Variants in DLG1 observed in about 807,000 individuals in gnomAD.
DLG1 encodes discs large MAGUK scaffold protein 1.
Under a neutral mutation model 123.4 loss-of-function variants are expected in DLG1, and 42 were observed. The observed-to-expected ratio is 0.34, with a 90% CI of 0.27 to 0.44. The LOEUF (loss-of-function observed/expected upper bound fraction) is 0.44. Among genes scored for constraint, DLG1 ranks in the 20% least tolerant of loss-of-function variants. The pLI is 1.00. For synonymous variants in DLG1, 317 were observed against 356.2 expected, an observed-to-expected ratio of 0.89 and a Z score of 1.24; for missense variants, 942 against 1,082.6, an observed-to-expected ratio of 0.87 and a Z score of 1.82.
chr3:197,231,404 G>C (rs980961206), intron 4 of DLG1, among the ~76,000 whole-genome samples: 11 of 152,138 alleles, frequency 7.2e-5, no homozygotes, highest in African/African-American at 2.7e-4. Flanking sequence ...ACATTTTGTT[G>C]TAAGAATACT....
At chr3:197,223,786 T>C (rs1332160839) in intron 4 of DLG1, among the ~76,000 whole-genome samples, 1 of 152,256 alleles carries the variant, frequency 6.6e-6, no homozygotes, top group Non-Finnish European at 1.5e-5. Flanking sequence ...TAATTCCCAA[T>C]GTGTATTCTT....
At chr3:197,250,260 T>C (rs1320848085) in intron 4 of DLG1, among the ~76,000 whole-genome samples, 1 of 151,918 alleles carries the variant, frequency 6.6e-6, no homozygotes, top group Admixed American at 6.6e-5. Flanking sequence ...ATACCAACAG[T>C]GAACAATCTG....
chr3:197,201,277 G>A (rs1725570511), intron 4 of DLG1, among the ~76,000 whole-genome samples: 1 of 152,104 alleles, frequency 6.6e-6, no homozygotes, highest in Non-Finnish European at 1.5e-5. Context: ...CCAGCTACTC[G>A]GGAGGCTGAG....
At chr3:197,298,244 G>A in intron 1 of DLG1, 1 of 348,484 alleles carries the variant, frequency 2.9e-6, no homozygotes, top group Non-Finnish European at 5.1e-6. Flanking sequence ...CCTTCGGGTT[G>A]GAAGGGGGAG....
intron 19 of DLG1, chr3:197,068,494 G>C: frequency 6.4e-7 from 1 of 1,563,740 alleles, no homozygotes; most frequent in Non-Finnish European, 8.7e-7. Context: ...GATATTAACA[G>C]GATGGACCTT....
intron 12 of DLG1, 86 bp from the exon 13 acceptor site, chr3:197,116,169 T>C: frequency 9.5e-7 from 1 of 1,055,548 alleles, no homozygotes; most frequent in Non-Finnish European, 1.4e-6. Flanking sequence ...TGATAATTTT[T>C]ATGTTATCAA....
At chr3:197,119,019 C>T (rs1026273291) in intron 12 of DLG1, among the ~76,000 whole-genome samples, 7 of 152,022 alleles carry the variant, frequency 4.6e-5, no homozygotes, top group African/African-American at 1.2e-4. Context: ...CCAAACCAAA[C>T]CACCACTTAT....
intron 6 of DLG1, among the ~76,000 whole-genome samples, chr3:197,148,807 A>T (rs1792428280): frequency 6.6e-6 from 1 of 152,216 alleles, no homozygotes; most frequent in South Asian, 2.1e-4. Context: ...AAAAGAAAAA[A>T]TATAAAAATA....
chr3:197,183,818 C>T (rs1424663581), intron 5 of DLG1: 5 of 1,545,488 alleles, frequency 3.2e-6, no homozygotes, highest in Admixed American at 2.0e-5. Flanking sequence ...TCTCTGCAGC[C>T]CTGCAGGTGG....
At chr3:197,087,368 T>C (rs1755027479) in intron 15 of DLG1, among the ~76,000 whole-genome samples, 1 of 151,646 alleles carries the variant, frequency 6.6e-6, no homozygotes, top group Non-Finnish European at 1.5e-5. Context: ...AGAAATACAT[T>C]GACTAAAAAA....
intron 23 of DLG1, among the ~76,000 whole-genome samples, chr3:197,053,919 CTG>C (rs1191724237): frequency 3.3e-5 from 5 of 152,056 alleles, no homozygotes; most frequent in African/African-American, 1.2e-4. Flanking sequence ...TGGCAAAATC[CTG>C]TCTCTCTAAA....
At chr3:197,194,800 G>A (rs1212035471) in intron 4 of DLG1, among the ~76,000 whole-genome samples, 1 of 152,022 alleles carries the variant, frequency 6.6e-6, no homozygotes. Flanking sequence ...ATAATTCAAA[G>A]CTAGGTGACA....
intron 4 of DLG1, among the ~76,000 whole-genome samples, chr3:197,225,638 A>T (rs934101370): frequency 6.6e-6 from 1 of 152,222 alleles, no homozygotes; most frequent in Non-Finnish European, 1.5e-5. Context: ...TTAATGGAAA[A>T]TGACATTTTA....
intron 23 of DLG1, among the ~76,000 whole-genome samples, chr3:197,057,595 C>T (rs1325008287): frequency 6.6e-6 from 1 of 152,174 alleles, no homozygotes; most frequent in Non-Finnish European, 1.5e-5. Flanking sequence ...TCAGTTGTTC[C>T]ACATCTTTGC....
rs11719580 is a variant in DLG1, at chr3:197,059,705, T to C, written c.2483+184A>G. Reference sequence around the variant, plus strand: ...TATACTTTAGTAATATTAATGATGATGATTACAATGACAATTTATAACCCA... The same window carrying C: ...TATACTTTAGTAATATTAATGATGACGATTACAATGACAATTTATAACCCA... On this transcript the variant is annotated intron_variant, in intron 23 of 24. Transcript: ENST00000667157. 2.2e-3 allele frequency among the ~76,000 whole-genome samples: 339 copies of C among 152,366 alleles called. 1 individual carries two copies. Among genetic ancestry groups the C allele is most frequent in the Middle Eastern group, 3.4e-3 (1 of 294 alleles).
chr3:197,112,589 TTC>T (rs1283169929), intron 13 of DLG1, among the ~76,000 whole-genome samples: 5 of 152,034 alleles, frequency 3.3e-5, no homozygotes, highest in African/African-American at 1.2e-4. Flanking sequence ...TTTGGTTTTT[TTC>T]TTTCTTTTTT....
rs1375247978 is a variant in DLG1 at position 197,069,332 on chromosome 3, T to C, written c.2006-72A>G. Reference sequence around the variant, plus strand: ...TAAAAAGCAAATAATCAAAATGAAATGTTGAGATATAAGCCATATATAACA... The same window carrying C: ...TAAAAAGCAAATAATCAAAATGAAACGTTGAGATATAAGCCATATATAACA... On this transcript the variant is annotated intron_variant, in intron 18 of 24. Transcript: ENST00000667157. The C allele has an allele frequency of 3.8e-6, 4 of 1,039,840 alleles. No homozygotes were observed. The East Asian group carries it at 1.1e-4, about 29-fold the overall frequency. The allele number at this position is 1,039,840 out of a possible 1,614,324, so 64.4% of individuals were successfully genotyped here. A position where few individuals can be genotyped will look rare whatever the true frequency, so the allele number is the denominator to read the frequency against.
At chr3:197,138,194 A>C (rs1260016007) in intron 9 of DLG1, 28 bp downstream of exon 9, 2 of 1,382,956 alleles carry the variant, frequency 1.4e-6, no homozygotes, top group Non-Finnish European at 1.9e-6. Context: ...TTTCTTAAAG[A>C]TTTATCTTAG....
chr3:197,256,092 G>A (rs1756739070), intron 4 of DLG1, among the ~76,000 whole-genome samples: 1 of 152,204 alleles, frequency 6.6e-6, no homozygotes, highest in African/African-American at 2.4e-5. Flanking sequence ...TTAATGACAT[G>A]CTAGCTTTAT....
Sources: allele counts gnomAD v4.1 joint callset (sites outside exome capture counted in the v4.1 genomes callset), GRCh38; gene constraint gnomAD v4.1.1; transcripts MANE v1.5; gene names NCBI Gene and HGNC (gene_info 2026-07-23, HGNC 2026-07-21).